The following CNTN5 variants were observed in gnomAD, a reference collection of about 807,000 sequenced individuals.
CNTN5 encodes contactin 5, also known as contactin-5.
In CNTN5, 77 loss-of-function variants were observed where a neutral mutation model predicts 129.1. The observed-to-expected ratio is 0.60, with a 90% confidence interval of 0.50 to 0.72. CNTN5 has a LOEUF of 0.72. Among genes scored for constraint, CNTN5 ranks in the 30% least tolerant of loss-of-function variants. The probability of loss-of-function intolerance (pLI) is 0.00; values close to 1 mark genes in which losing one functional copy is unlikely to be tolerated. For missense variants in CNTN5, 1,478 were observed against 1,328.8 expected, an observed-to-expected ratio of 1.11 and a Z score of -1.75; for synonymous variants, 509 against 465.6, an observed-to-expected ratio of 1.09 and a Z score of -1.20.
intron 3 of CNTN5, among the ~76,000 whole-genome samples, chr11:99,679,153 T>A (rs924614724): frequency 4.8e-5 from 7 of 147,340 alleles, no homozygotes; most frequent in African/African-American, 1.7e-4. Context: ...TAAGTACATA[T>A]AACCTCTATA....
chr11:99,167,069 A>G (rs1417439369), intron 1 of CNTN5, among the ~76,000 whole-genome samples: 3 of 152,144 alleles, frequency 2.0e-5, no homozygotes, highest in African/African-American at 7.2e-5. Flanking sequence ...TGACAGGAAT[A>G]TGGTTCTTTT....
intron 3 of CNTN5, among the ~76,000 whole-genome samples, chr11:99,773,408 T>A (rs1158849480): frequency 6.6e-6 from 1 of 152,072 alleles, no homozygotes; most frequent in Non-Finnish European, 1.5e-5. Context: ...ATTTTTGTGG[T>A]TTTTTCTGCT....
chr11:99,067,134 T>C (rs1187603689), intron 1 of CNTN5, among the ~76,000 whole-genome samples: 1 of 152,202 alleles, frequency 6.6e-6, no homozygotes, highest in Non-Finnish European at 1.5e-5. Flanking sequence ...CACTGACTAA[T>C]ACACAAACAT....
chr11:99,336,241 C>T (rs1866217777), intron 2 of CNTN5, among the ~76,000 whole-genome samples: 1 of 152,042 alleles, frequency 6.6e-6, no homozygotes, highest in Non-Finnish European at 1.5e-5. Context: ...GAATGTTTCA[C>T]TTTTTTGTGT....
intron 9 of CNTN5, among the ~76,000 whole-genome samples, chr11:100,023,167 C>G (rs2137573179): frequency 6.6e-6 from 1 of 152,264 alleles, no homozygotes; most frequent in South Asian, 2.1e-4. Flanking sequence ...TTCAACGATG[C>G]TGTGATCATT....
At chr11:100,220,883 G>T (rs556041024) in intron 15 of CNTN5, among the ~76,000 whole-genome samples, 1 of 152,100 alleles carries the variant, frequency 6.6e-6, no homozygotes, top group Non-Finnish European at 1.5e-5. Context: ...TAACTTACTA[G>T]AGAGGAAAAG....
At chr11:99,363,226 C>A (rs1356581849) in intron 2 of CNTN5, among the ~76,000 whole-genome samples, 2 of 152,052 alleles carry the variant, frequency 1.3e-5, no homozygotes, top group Non-Finnish European at 2.9e-5. Flanking sequence ...ATAAGGCTTT[C>A]ATCTCCTTGG....
At chr11:99,648,745 C>T (rs1324262523) in intron 3 of CNTN5, among the ~76,000 whole-genome samples, 2 of 151,638 alleles carry the variant, frequency 1.3e-5, no homozygotes, top group Admixed American at 6.6e-5. Flanking sequence ...GAATAAAACC[C>T]CATCATTTCT....
intron 2 of CNTN5, among the ~76,000 whole-genome samples, chr11:99,439,084 T>A (rs1943711663): frequency 6.6e-6 from 1 of 152,190 alleles, no homozygotes; most frequent in Admixed American, 6.5e-5. Context: ...GTGACCTAAA[T>A]GATGAGGATT....
chr11:100,040,344 G>A (rs1488714438), intron 9 of CNTN5, among the ~76,000 whole-genome samples: 2 of 152,172 alleles, frequency 1.3e-5, no homozygotes, highest in Non-Finnish European at 2.9e-5. Context: ...TGTCTCAGAA[G>A]AGTACCTGGC....
At chr11:99,688,893 T>A (rs1040117661) in intron 3 of CNTN5, among the ~76,000 whole-genome samples, 3 of 152,178 alleles carry the variant, frequency 2.0e-5, no homozygotes, top group African/African-American at 7.2e-5. Context: ...TTGCTAAGGA[T>A]AATTGCCTAC....
intron 2 of CNTN5, among the ~76,000 whole-genome samples, chr11:99,517,769 TAAC>T (rs1947114338): frequency 6.6e-6 from 1 of 152,226 alleles, no homozygotes; most frequent in African/African-American, 2.4e-5. Flanking sequence ...TTGACAGCTC[TAAC>T]ACACATTTCT....
At chr11:99,658,041 G>T (rs1952445748) in intron 3 of CNTN5, among the ~76,000 whole-genome samples, 1 of 151,872 alleles carries the variant, frequency 6.6e-6, no homozygotes, top group East Asian at 1.9e-4. Flanking sequence ...AAATATTTAT[G>T]AATCTTTAAG....
chr11:99,667,307 T>TC (rs144961405), intron 3 of CNTN5, among the ~76,000 whole-genome samples: 92,928 of 150,878 alleles, frequency 0.62, 29,458 homozygotes, highest in Non-Finnish European at 0.7. Flanking sequence ...TTAATAAATT[T>TC]TGTAAATAGC....
intron 7 of CNTN5, among the ~76,000 whole-genome samples, chr11:99,926,899 C>T (rs554123287): frequency 6.6e-6 from 1 of 152,222 alleles, no homozygotes; most frequent in South Asian, 2.1e-4. Context: ...ACAAGATTTA[C>T]AGTTTTACTT....
intron 8 of CNTN5, among the ~76,000 whole-genome samples, chr11:99,987,764 T>C (rs1166866954): frequency 4.0e-4 from 61 of 152,242 alleles, no homozygotes; most frequent in Non-Finnish European, 1.0e-4. Flanking sequence ...AAAAGTGGCT[T>C]CAGACTTAAT....
At chr11:99,452,597 C>T (rs887830029) in intron 2 of CNTN5, among the ~76,000 whole-genome samples, 1 of 151,986 alleles carries the variant, frequency 6.6e-6, no homozygotes, top group Non-Finnish European at 1.5e-5. Context: ...TGGTCTTGAT[C>T]TCCTGACCTT....
At chr11:99,094,825 T>TA (rs1591180890) in intron 1 of CNTN5, among the ~76,000 whole-genome samples, 1 of 151,880 alleles carries the variant, frequency 6.6e-6, no homozygotes. Context: ...GATCAAGAGA[T>TA]ACAGCAGTCA....
At chr11:99,416,632 G>T (rs552983810) in intron 2 of CNTN5, among the ~76,000 whole-genome samples, 1 of 152,138 alleles carries the variant, frequency 6.6e-6, no homozygotes, top group South Asian at 2.1e-4. Context: ...CGGTGTCATG[G>T]GTGGTAAAGG....
Sources: allele counts gnomAD v4.1 joint callset (sites outside exome capture counted in the v4.1 genomes callset), GRCh38; gene constraint gnomAD v4.1.1; transcripts MANE v1.5; gene names NCBI Gene and HGNC (gene_info 2026-07-23, HGNC 2026-07-21).